FAT4: variants seen among roughly 807,000 people sequenced by gnomAD.
The protein encoded by FAT4 is protocadherin Fat 4.
FAT4 carries 84 observed loss-of-function variants against 303.9 expected under a neutral mutation model. The ratio of observed to expected loss-of-function variants is 0.28; its 90% CI spans 0.23 to 0.33. The LOEUF (loss-of-function observed/expected upper bound fraction) is 0.33, where lower values mean the gene tolerates loss of function less well. Ranked by LOEUF, FAT4 falls within the 10% of genes least tolerant of loss-of-function variation. The pLI is 1.00. For synonymous variants in FAT4, 2,307 were observed against 2,298.8 expected, an observed-to-expected ratio of 1.00 and a Z score of -0.10; for missense variants, 6,005 against 6,146.8, an observed-to-expected ratio of 0.98 and a Z score of 0.77.
chr4:125,405,455 G>A (rs968023272), intron 3 of FAT4, among the ~76,000 whole-genome samples: 6 of 151,150 alleles, frequency 4.0e-5, no homozygotes, highest in African/African-American at 1.2e-4. Context: ...TCTCATTGTG[G>A]TTTTGATTTG....
At chr4:125,478,166 G>A (rs968504303) in intron 14 of FAT4, among the ~76,000 whole-genome samples, 3 of 152,014 alleles carry the variant, frequency 2.0e-5, no homozygotes, top group African/African-American at 7.2e-5. Flanking sequence ...ACTATTAAAG[G>A]CAAAGCTAGG....
In FAT4 at chr4:125,393,052, G is replaced by C. The variant is rs543615407; in HGVS notation, c.5176-5732G>C. Among the ~76,000 whole-genome samples, 45 of 152,308 alleles carry C rather than the reference G, an allele frequency of 3.0e-4. No homozygotes were observed. The South Asian group carries it at 6.0e-3, about 20-fold the overall frequency. On this transcript the variant is annotated intron_variant, in intron 2 of 17. Coordinates refer to ENST00000394329, the MANE Select transcript of FAT4 (RefSeq NM_001291303.3). ...TTTAACATTCCTACAAAAAGTATTAGTATGTTGACTTGCAAATGAATGGAT... is the reference window on the plus strand; with the variant it reads ...TTTAACATTCCTACAAAAAGTATTACTATGTTGACTTGCAAATGAATGGAT...
intron 2 of FAT4, among the ~76,000 whole-genome samples, chr4:125,363,947 CTT>C (rs1732766734): frequency 1.3e-5 from 2 of 152,064 alleles, no homozygotes; most frequent in African/African-American, 4.8e-5. Flanking sequence ...TCCTGGAAAA[CTT>C]TTAATGCTGG....
At position 125,316,313 on chromosome 4, in the gene FAT4, A is replaced by C. The variant is rs1262282675; in HGVS notation, c.-12-87A>C. 4.1e-6 allele frequency: 6 copies of C among 1,463,336 alleles called. No individual in the cohort carries two copies. Among genetic ancestry groups the C allele is most frequent in the Non-Finnish European group, 5.5e-6 (6 of 1,098,058 alleles). 90.6% of individuals were successfully genotyped at this position (1,463,336 alleles called of 1,614,324 possible). ...AGCAGAGGTCTCAGACCAAGCCGTC[A>C]GCTGAATCTTTGCTGGCGCTCCTTA... On this transcript the variant is annotated intron_variant, in intron 1 of 17. Coordinates refer to ENST00000394329, the MANE Select transcript of FAT4 (RefSeq NM_001291303.3). This position sits in a 1 kb window ranked among gnomAD's most constrained non-coding sequence, Gnocchi z 5.7.
chr4:125,376,697 C>T (rs547937730), intron 2 of FAT4, among the ~76,000 whole-genome samples: 3 of 152,022 alleles, frequency 2.0e-5, no homozygotes, highest in Non-Finnish European at 2.9e-5. Context: ...GTCGGGAGTT[C>T]GAAACCAGAC....
chr4:125,407,914 A>G (rs1734683911), intron 4 of FAT4, among the ~76,000 whole-genome samples: 1 of 152,164 alleles, frequency 6.6e-6, no homozygotes, highest in Admixed American at 6.5e-5. Flanking sequence ...TGGCAAAGGA[A>G]TTAAACATCT....
Position 125,354,762 on chromosome 4 carries a change from A to AC in FAT4, c.5175+33176_5175+33177insC, listed in dbSNP as rs796888250. ...CTTTCAGAGTTTAATGAAAAAAAAAAAAAAAACTGGTTAGAACAGTTGGGT... is the reference window on the plus strand; with the variant it reads ...CTTTCAGAGTTTAATGAAAAAAAAAACAAAAAACTGGTTAGAACAGTTGGGT... On this transcript the variant is annotated intron_variant, in intron 2 of 17. Coordinates refer to ENST00000394329, the MANE Select transcript of FAT4 (RefSeq NM_001291303.3). Among the ~76,000 whole-genome samples, 22 of 151,458 alleles carry AC rather than the reference A, an allele frequency of 1.5e-4. No individual in the cohort carries two copies. In the East Asian group the frequency reaches 3.9e-3, roughly 27 times the overall value.
chr4:125,479,943 C>T, intron 15 of FAT4, 78 bp downstream of exon 15: 2 of 1,141,918 alleles, frequency 1.8e-6, no homozygotes, highest in Non-Finnish European at 2.3e-6. Context: ...AGTATGTAAT[C>T]AAATTAAAAA....
intron 2 of FAT4, among the ~76,000 whole-genome samples, chr4:125,328,597 G>C (rs1178902113): frequency 2.0e-5 from 3 of 152,182 alleles, no homozygotes; most frequent in Non-Finnish European, 2.9e-5. Context: ...GATTGTTACA[G>C]ATTATTTGAC....
chr4:125,324,444 A>G (rs1250682907), intron 2 of FAT4, among the ~76,000 whole-genome samples: 1 of 152,188 alleles, frequency 6.6e-6, no homozygotes, highest in African/African-American at 2.4e-5. Context: ...AGAAGACCTA[A>G]GATCAGAACA....
intron 2 of FAT4, among the ~76,000 whole-genome samples, chr4:125,361,749 A>T (rs2125985301): frequency 6.6e-6 from 1 of 152,264 alleles, no homozygotes; most frequent in Non-Finnish European, 1.5e-5. Context: ...CTTATAGAAA[A>T]GTGGTCGTTT....
intron 14 of FAT4, 80 bp downstream of exon 14, chr4:125,477,414 T>C (rs916446002): frequency 8.2e-7 from 1 of 1,220,010 alleles, no homozygotes; most frequent in Non-Finnish European, 1.1e-6. Flanking sequence ...AAAGATGAAA[T>C]TATTATGCTC....
rs1487316404 is a variant in FAT4, at chr4:125,315,143, G to A, written c.-847G>A. ...GGGGAGAGTGTGAGGGACCAGGCGG[G>A]AGGTGGAGAAGGGCTCGCGGAGCCC... On this transcript the variant is annotated 5_prime_UTR_variant, in exon 1 of 18. Transcript: ENST00000394329. Among the ~76,000 whole-genome samples, 1 of 151,952 alleles carries A rather than the reference G, an allele frequency of 6.6e-6. No homozygotes were observed. The highest frequency in any genetic ancestry group is 2.4e-5 in the African/African-American group (1 of 41,384).
intron 2 of FAT4, among the ~76,000 whole-genome samples, chr4:125,383,846 A>G (rs1733630790): frequency 6.6e-6 from 1 of 152,202 alleles, no homozygotes; most frequent in African/African-American, 2.4e-5. Context: ...GCCTATTAAG[A>G]TCATTAAAAT....
chr4:125,442,495 CT>C (rs1189307322), intron 8 of FAT4, among the ~76,000 whole-genome samples: 3 of 152,088 alleles, frequency 2.0e-5, no homozygotes, highest in Non-Finnish European at 2.9e-5. Flanking sequence ...AAATCCTAAA[CT>C]TTTTGAGCAT....
At chr4:125,339,298 C>T (rs1301571428) in intron 2 of FAT4, among the ~76,000 whole-genome samples, 1 of 151,422 alleles carries the variant, frequency 6.6e-6, no homozygotes, top group African/African-American at 2.4e-5. Flanking sequence ...CGGGTTCAAG[C>T]GATTCTCCTG....
At chr4:125,457,047 A>T (rs1003023538) in intron 10 of FAT4, among the ~76,000 whole-genome samples, 1 of 151,878 alleles carries the variant, frequency 6.6e-6, no homozygotes, top group Non-Finnish European at 1.5e-5. Flanking sequence ...TGAAATTACA[A>T]ATTGGAGCTG....
At chr4:125,489,219 A>G (rs1727517037) in intron 17 of FAT4, among the ~76,000 whole-genome samples, 2 of 152,232 alleles carry the variant, frequency 1.3e-5, no homozygotes. Flanking sequence ...TAGGAATATC[A>G]GCACTGTTAA....
At position 125,320,990 on chromosome 4, in the gene FAT4, C is replaced by G; in HGVS notation, c.4579C>G (p.Pro1527Ala). ...ILVTDLNDNVPMFISQNALAA... is the reference protein window; with the variant it reads ...ILVTDLNDNVAMFISQNALAA... ...GGTTACAGACCTCAATGACAATGTC[C>G]CAATGTTTATATCACAAAACGCCCT... Residue 1527 changes from proline (P) to alanine (A), a missense_variant, in exon 2 of 18, where the codon CCA becomes GCA. Pro to Ala is a conservative substitution (Grantham distance 27, BLOSUM62 -1). Coordinates refer to ENST00000394329, the MANE Select transcript of FAT4 (RefSeq NM_001291303.3). 6.2e-7 allele frequency: 1 copy of G among 1,614,114 alleles called. No individual in the cohort carries two copies. Among genetic ancestry groups the G allele is most frequent in the Non-Finnish European group, 8.5e-7 (1 of 1,180,012 alleles).
Sources: allele counts gnomAD v4.1 joint callset (sites outside exome capture counted in the v4.1 genomes callset), GRCh38; gene constraint gnomAD v4.1.1; non-coding constraint Gnocchi (gnomAD v3.1); transcripts MANE v1.5; gene names NCBI Gene and HGNC (gene_info 2026-07-23, HGNC 2026-07-21).